The following TNNI3K variants were observed in gnomAD, a reference collection of about 807,000 sequenced individuals.
The protein encoded by TNNI3K is serine/threonine-protein kinase TNNI3K.
In TNNI3K, 140 loss-of-function variants were observed where a neutral mutation model predicts 114.5. The ratio of observed to expected loss-of-function variants is 1.22; its 90% CI spans 1.07 to 1.41. The LOEUF (loss-of-function observed/expected upper bound fraction) is 1.41. TNNI3K is among the 40% of genes most tolerant of loss of function. The probability of loss-of-function intolerance (pLI) is 0.00; values close to 1 mark genes in which losing one functional copy is unlikely to be tolerated. For missense variants in TNNI3K, 1,125 were observed against 1,007.6 expected (o/e 1.12, Z -1.58); for synonymous variants, 347 against 347.5 (o/e 1.00, Z 0.02).
intron 23 of TNNI3K, among the ~76,000 whole-genome samples, chr1:74,527,506 G>A (rs1260360247): frequency 1.3e-5 from 2 of 152,186 alleles, no homozygotes; most frequent in Non-Finnish European, 2.9e-5. Flanking sequence ...AAGCAGATGT[G>A]GGATTTATAA....
At chr1:74,356,027 T>C (rs558572049) in intron 11 of TNNI3K, among the ~76,000 whole-genome samples, 37 of 152,296 alleles carry the variant, frequency 2.4e-4, no homozygotes, top group African/African-American at 4.8e-5. Context: ...AAAAGCCCCA[T>C]TGACATTCTC....
At chr1:74,259,728 G>A (rs1488052811) in intron 4 of TNNI3K, among the ~76,000 whole-genome samples, 2 of 152,082 alleles carry the variant, frequency 1.3e-5, no homozygotes, top group Non-Finnish European at 1.5e-5. Context: ...AGCTAAGATT[G>A]TGCCACTGTA....
At chr1:74,363,109 A>T (rs147678131) in intron 11 of TNNI3K, among the ~76,000 whole-genome samples, 6 of 152,208 alleles carry the variant, frequency 3.9e-5, no homozygotes, top group African/African-American at 1.4e-4. Context: ...TGCCTTGGTT[A>T]TCTGGGTGTA....
In TNNI3K at chr1:74,296,050, C is replaced by T. The variant is rs545383209; in HGVS notation, c.444+24342C>T. Among the ~76,000 whole-genome samples, 45 of 151,836 alleles carry T rather than the reference C, an allele frequency of 3.0e-4. No individual in the cohort carries two copies. The South Asian group carries it at 8.5e-3, about 29-fold the overall frequency. On this transcript the variant is annotated intron_variant, in intron 5 of 24. Transcript: ENST00000326637. The stretch of plus-strand genomic sequence containing the variant: ...CAGCAGTTTGGGAGTCCAAGGCGGG[C>T]GGATCACAAGGTCAGAAGATCGAGA...
At chr1:74,429,270 T>C (rs56188871) in intron 17 of TNNI3K, among the ~76,000 whole-genome samples, 11,262 of 151,990 alleles carry the variant, frequency 0.074, 554 homozygotes, top group African/African-American at 0.14. Context: ...GGTAGATAGA[T>C]AGAATCAAAT....
At position 74,461,482 on chromosome 1, in the gene TNNI3K, G is replaced by GAAAAA. The variant is rs745581474; in HGVS notation, c.2012-1946_2012-1942dup. 5.0e-4 allele frequency among the ~76,000 whole-genome samples: 37 copies of GAAAAA among 74,092 alleles called. 3 individuals are homozygous for GAAAAA. The highest frequency in any genetic ancestry group is 1.4e-3 in the African/African-American group (30 of 21,162). 48.6% of individuals were successfully genotyped at this position (74,092 alleles called of 152,430 possible). On this transcript the variant is annotated intron_variant, in intron 20 of 24. Transcript: ENST00000326637. ...GTGACACAGTGAGACTCTGTCTCGA[G>GAAAAA]AAAAAAAAAAAAAAAAAGAGTAACC...
intron 20 of TNNI3K, among the ~76,000 whole-genome samples, chr1:74,453,255 C>T (rs1667099623): frequency 1.3e-5 from 2 of 152,022 alleles, no homozygotes; most frequent in African/African-American, 4.8e-5. Context: ...TCCAATATCC[C>T]AGATATTAAA....
At chr1:74,538,885 G>A (rs567376125) in intron 23 of TNNI3K, among the ~76,000 whole-genome samples, 1 of 152,306 alleles carries the variant, frequency 6.6e-6, no homozygotes, top group South Asian at 2.1e-4. Context: ...GTGGAGAAGG[G>A]TATGGGTTGA....
At chr1:74,413,792 C>T (rs988581056) in intron 17 of TNNI3K, among the ~76,000 whole-genome samples, 2 of 152,084 alleles carry the variant, frequency 1.3e-5, no homozygotes, top group Non-Finnish European at 2.9e-5. Context: ...AAGTGTCTTT[C>T]AGAGAGAATA....
intron 23 of TNNI3K, among the ~76,000 whole-genome samples, chr1:74,524,333 G>A (rs2100421778): frequency 6.6e-6 from 1 of 152,330 alleles, no homozygotes; most frequent in African/African-American, 2.4e-5. Context: ...CAGAAACAGA[G>A]GGGGCTTGGC....
At chr1:74,333,941 T>G (rs1392855848) in intron 6 of TNNI3K, among the ~76,000 whole-genome samples, 1 of 152,240 alleles carries the variant, frequency 6.6e-6, no homozygotes, top group Non-Finnish European at 1.5e-5. Context: ...AAACTTCTGC[T>G]GTTCTGATTT....
At chr1:74,335,424 G>A (rs1248180250) in intron 6 of TNNI3K, among the ~76,000 whole-genome samples, 1 of 151,886 alleles carries the variant, frequency 6.6e-6, no homozygotes, top group Non-Finnish European at 1.5e-5. Flanking sequence ...TACCACTTTG[G>A]GCCATATATT....
chr1:74,381,359 A>T (rs780240748), intron 17 of TNNI3K, among the ~76,000 whole-genome samples: 3 of 152,152 alleles, frequency 2.0e-5, no homozygotes, highest in Non-Finnish European at 4.4e-5. Flanking sequence ...ACCTTATTGG[A>T]TTTAAATGAG....
chr1:74,504,946 G>A (rs552055904), intron 23 of TNNI3K, among the ~76,000 whole-genome samples: 4 of 152,248 alleles, frequency 2.6e-5, no homozygotes, highest in South Asian at 2.1e-4. Flanking sequence ...AAGATTCGCC[G>A]GAGGCAAACT....
At chr1:74,417,289 T>C (rs1415385374) in intron 17 of TNNI3K, among the ~76,000 whole-genome samples, 1 of 152,076 alleles carries the variant, frequency 6.6e-6, no homozygotes, top group Non-Finnish European at 1.5e-5. Context: ...ATATTTCATG[T>C]ACTTCCCTGT....
At position 74,371,941 on chromosome 1, in the gene TNNI3K, G is replaced by A. The variant is rs570067949; in HGVS notation, c.1772+1549G>A. ...GAAAAGCAGAATTTCACCGGTGGCA[G>A]TGGATATGAAAGGAAGAGACATGTC... On this transcript the variant is annotated intron_variant, in intron 17 of 24. Coordinates refer to ENST00000326637, the MANE Select transcript of TNNI3K (RefSeq NM_015978.3). 2.6e-5 allele frequency: 4 copies of A among 151,786 alleles called. 1 individual carries two copies. The East Asian group carries it at 7.8e-4, about 30-fold the overall frequency. 9.4% of individuals were successfully genotyped at this position (151,786 alleles called of 1,614,324 possible).
At chr1:74,291,429 G>T (rs1484304897) in intron 5 of TNNI3K, among the ~76,000 whole-genome samples, 1 of 151,426 alleles carries the variant, frequency 6.6e-6, no homozygotes, top group Non-Finnish European at 1.5e-5. Context: ...GTTTACATAG[G>T]TCTTATGTAC....
chr1:74,342,775 A>G (rs959980459), intron 7 of TNNI3K, 67 bp from the exon 8 acceptor site: 8 of 1,578,008 alleles, frequency 5.1e-6, no homozygotes, highest in African/African-American at 4.0e-5. Flanking sequence ...CCATGATACT[A>G]TACATATGAA....
At chr1:74,481,660 T>C (rs1246660693) in intron 21 of TNNI3K, among the ~76,000 whole-genome samples, 1 of 152,212 alleles carries the variant, frequency 6.6e-6, no homozygotes, top group East Asian at 1.9e-4. Flanking sequence ...CAGGTGGTAC[T>C]CAGGGCTTCC....
Sources: allele counts gnomAD v4.1 joint callset (sites outside exome capture counted in the v4.1 genomes callset), GRCh38; gene constraint gnomAD v4.1.1; transcripts MANE v1.5; gene names NCBI Gene and HGNC (gene_info 2026-07-23, HGNC 2026-07-21).